DYNC2I2: variants seen among roughly 807,000 people sequenced by gnomAD.
The protein encoded by DYNC2I2 is cytoplasmic dynein 2 intermediate chain 2.
In DYNC2I2, 39 loss-of-function variants were observed where a neutral mutation model predicts 52.0. The observed-to-expected ratio is 0.75, with a 90% CI of 0.58 to 0.98. The LOEUF is 0.98. DYNC2I2 is among the 50% of genes least tolerant of loss of function. DYNC2I2 has a pLI of 0.00. For missense variants in DYNC2I2, 743 were observed against 728.4 expected (o/e 1.02, Z -0.23); for synonymous variants, 359 against 321.1 (o/e 1.12, Z -1.26).
the DYNC2I2 span, among the ~76,000 whole-genome samples, chr9:128,680,297 G>A: frequency 1.3e-5 from 2 of 152,048 alleles, no homozygotes; most frequent in Non-Finnish European, 2.9e-5. Flanking sequence ...CTGGCCTCAC[G>A]TGATCCTCCA....
At chr9:128,667,633 C>G in the DYNC2I2 span, among the ~76,000 whole-genome samples, 1 of 144,370 alleles carries the variant, frequency 6.9e-6, no homozygotes, top group Non-Finnish European at 1.5e-5. Flanking sequence ...GCAGTGGCTC[C>G]ATCTCAGCTC....
intron 2 of DYNC2I2, among the ~76,000 whole-genome samples, chr9:128,639,081 C>A (rs1317517680): frequency 2.6e-5 from 4 of 151,670 alleles, no homozygotes; most frequent in African/African-American, 9.7e-5. Context: ...ACAGCCTGGG[C>A]AACATAGGAA....
the DYNC2I2 span, among the ~76,000 whole-genome samples, chr9:128,667,155 C>T: frequency 3.3e-5 from 5 of 151,124 alleles, no homozygotes; most frequent in Non-Finnish European, 5.9e-5. Context: ...GCCGAGATCA[C>T]GCCATTGCAC....
chr9:128,664,860 C>T, the DYNC2I2 span, among the ~76,000 whole-genome samples: 6 of 151,784 alleles, frequency 4.0e-5, no homozygotes, highest in East Asian at 9.8e-4. Context: ...AAGTAGCTCA[C>T]ACCTGTAATC....
chr9:128,635,873 C>A lies in DYNC2I2; in HGVS notation c.704-106G>T, dbSNP rs143550657. 963 of 1,060,092 alleles carry A rather than the reference C, an allele frequency of 9.1e-4. 10 individuals carry two copies. The African/African-American group carries it at 0.014, about 15-fold the overall frequency. 65.7% of individuals were successfully genotyped at this position (1,060,092 alleles called of 1,614,324 possible). A position where few individuals can be genotyped will look rare whatever the true frequency, so the allele number is the denominator to read the frequency against. On this transcript the variant is annotated intron_variant, in intron 4 of 8. Coordinates refer to ENST00000372715, the MANE Select transcript of DYNC2I2 (RefSeq NM_052844.4). ...CTACAGGGCCAGGGCCAGGGCCAGGCGGCAGAGCCACTTGGCTGGAAGTCA... is the reference window on the plus strand; with the variant it reads ...CTACAGGGCCAGGGCCAGGGCCAGGAGGCAGAGCCACTTGGCTGGAAGTCA...
the DYNC2I2 span, among the ~76,000 whole-genome samples, chr9:128,679,001 G>A: frequency 6.6e-6 from 1 of 152,038 alleles, no homozygotes; most frequent in African/African-American, 2.4e-5. Flanking sequence ...CCTGGGAAGC[G>A]GAGGTTGCAG....
At chr9:128,672,345 C>T in the DYNC2I2 span, among the ~76,000 whole-genome samples, 7 of 151,914 alleles carry the variant, frequency 4.6e-5, no homozygotes, top group East Asian at 5.8e-4. Context: ...CCTCGTGATC[C>T]GCCAGGCCTG....
chr9:128,661,946 G>A, the DYNC2I2 span, among the ~76,000 whole-genome samples: 1 of 152,064 alleles, frequency 6.6e-6, no homozygotes, highest in Non-Finnish European at 1.5e-5. Flanking sequence ...GGAGGCAGAG[G>A]CAGAAGAATC....
chr9:128,668,531 A>G, the DYNC2I2 span, among the ~76,000 whole-genome samples: 1 of 152,076 alleles, frequency 6.6e-6, no homozygotes, highest in African/African-American at 2.4e-5. Context: ...TTCTAAAAAA[A>G]AAAAAAAAAG....
chr9:128,642,767 T>C (rs1047505176), intron 1 of DYNC2I2, among the ~76,000 whole-genome samples: 4 of 151,862 alleles, frequency 2.6e-5, no homozygotes, highest in African/African-American at 9.7e-5. Context: ...AAAAAAAAAT[T>C]ACTTATTGAG....
At chr9:128,659,511 A>AAAC (rs1860894023), upstream of DYNC2I2, among the ~76,000 whole-genome samples, 1 of 147,658 alleles carries the variant, frequency 6.8e-6, no homozygotes, top group African/African-American at 2.5e-5. Context: ...AAAAAAAAAA[A>AAAC]CACACACACA....
At position 128,636,329 on chromosome 9, in the gene DYNC2I2, CGCTGGGGACCTCCACCACGGCCGACGGCT is replaced by C. The variant is rs1860413070; in HGVS notation, c.626_654del (p.Gln209ArgfsTer23). 6.3e-7 allele frequency: 1 copy of C among 1,596,090 alleles called. No homozygotes were observed. Among genetic ancestry groups the C allele is most frequent in the Non-Finnish European group, 8.5e-7 (1 of 1,172,046 alleles). On this transcript the variant is annotated frameshift_variant, in exon 4 of 9. Coordinates refer to ENST00000372715, the MANE Select transcript of DYNC2I2 (RefSeq NM_052844.4). LOFTEE classifies it high-confidence loss of function. ...GGGTGGAAGGCCAGACACAGGACAG[CGCTGGGGACCTCCACCACGGCCGACGGCT>C]GCTGGGGACGCAGGTCTCGCCGGTC...
the DYNC2I2 span, among the ~76,000 whole-genome samples, chr9:128,676,229 G>A: frequency 8.6e-5 from 13 of 152,042 alleles, no homozygotes; most frequent in South Asian, 2.1e-4. Flanking sequence ...AGTGGCTCAC[G>A]CCTGTAATTC....
chr9:128,636,305 G>T lies in DYNC2I2; in HGVS notation c.679C>A (p.Pro227Thr), dbSNP rs1263852385. The part of the protein sequence containing the change: ...PSAVLCLAFH[P>T]TQPSHVAGGL... ...CCTGCGACGTGGGAGGGCTGCGTGG[G>T]GTGGAAGGCCAGACACAGGACAGCG... Residue 227 changes from proline (P) to threonine (T), a missense_variant, in exon 4 of 9, where the codon CCC becomes ACC. Physicochemically the swap from Pro to Thr is conservative, Grantham distance 38 (BLOSUM62 -1). Transcript: ENST00000372715. 6.3e-7 allele frequency: 1 copy of T among 1,583,506 alleles called. No individual in the cohort carries two copies. Among genetic ancestry groups the T allele is most frequent in the Admixed American group, 1.8e-5 (1 of 55,002 alleles).
chr9:128,644,900 C>T (rs1421303676), intron 1 of DYNC2I2, among the ~76,000 whole-genome samples: 2 of 152,170 alleles, frequency 1.3e-5, no homozygotes, highest in Admixed American at 6.5e-5. Flanking sequence ...TACGTTACTA[C>T]AGTAATTGTT....
intron 1 of DYNC2I2, 73 bp from the exon 2 acceptor site, chr9:128,641,012 C>G: frequency 6.7e-7 from 1 of 1,492,264 alleles, no homozygotes; most frequent in South Asian, 1.4e-5. Flanking sequence ...CCCTGCCTGC[C>G]CCTCCTGCTT....
At chr9:128,643,226 C>T (rs1429342750) in intron 1 of DYNC2I2, among the ~76,000 whole-genome samples, 1 of 151,814 alleles carries the variant, frequency 6.6e-6, no homozygotes, top group Non-Finnish European at 1.5e-5. Context: ...ACCTACAAAA[C>T]AATTAAAAAT....
rs777857094 is a variant in DYNC2I2 at position 128,634,934 on chromosome 9, G to A, written c.982-13C>T. ...CCCCGCGGGGATGCTGTGGAGAAAT[G>A]GCAGCAGCAGGGTCAGAGCCAAGGG... On this transcript the variant is annotated splice_polypyrimidine_tract_variant and intron_variant, in intron 6 of 8. Transcript: ENST00000372715. The A allele has an allele frequency of 6.2e-7, 1 of 1,610,598 alleles. No individual in the cohort carries two copies. The highest frequency in any genetic ancestry group is 2.2e-5 in the East Asian group (1 of 44,820).
At chr9:128,635,601 C>T (rs561857572) in intron 5 of DYNC2I2, 57 bp downstream of exon 5, 9 of 1,473,834 alleles carry the variant, frequency 6.1e-6, no homozygotes, top group South Asian at 4.9e-5. Flanking sequence ...GGAGAGTGGG[C>T]GCCCTCTCCC....
Sources: allele counts gnomAD v4.1 joint callset (sites outside exome capture counted in the v4.1 genomes callset), GRCh38; gene constraint gnomAD v4.1.1; transcripts MANE v1.5; gene names NCBI Gene and HGNC (gene_info 2026-07-23, HGNC 2026-07-21).